The following SMCO2 variants were observed in gnomAD, a reference collection of about 807,000 sequenced individuals.
SMCO2 encodes the protein single-pass membrane and coiled-coil domain-containing protein 2.
A neutral mutation model predicts 29.5 loss-of-function variants in SMCO2; 25 were observed. That is an observed-to-expected ratio of 0.85 (90% CI 0.62 to 1.18). The LOEUF (loss-of-function observed/expected upper bound fraction) is 1.18. Among genes scored for constraint, SMCO2 ranks in the 50% most tolerant of loss-of-function variants. The pLI is 0.00. For synonymous variants in SMCO2, 117 were observed against 123.3 expected (o/e 0.95, Z 0.34); for missense variants, 348 against 344.5 (o/e 1.01, Z -0.08).
At chr12:27,486,657 A>C (rs1949691322) in intron 4 of SMCO2, among the ~76,000 whole-genome samples, 2 of 152,352 alleles carry the variant, frequency 1.3e-5, no homozygotes, top group East Asian at 3.9e-4. Context: ...AATCTTCAAA[A>C]GGGCAAAGAC....
the SMCO2 span, among the ~76,000 whole-genome samples, chr12:27,444,795 A>G: frequency 6.6e-6 from 1 of 152,226 alleles, no homozygotes; most frequent in Non-Finnish European, 1.5e-5. Flanking sequence ...TCAACACACT[A>G]AAGATAGAAC....
intron 3 of SMCO2, among the ~76,000 whole-genome samples, chr12:27,474,001 G>T (rs1949563073): frequency 6.6e-6 from 1 of 152,208 alleles, no homozygotes; most frequent in African/African-American, 2.4e-5. Flanking sequence ...AACTCATAGA[G>T]TAGGCGTTTT....
intron 4 of SMCO2, among the ~76,000 whole-genome samples, chr12:27,484,867 A>AT (rs1353773609): frequency 1.2e-4 from 13 of 111,748 alleles, no homozygotes; most frequent in African/African-American, 2.0e-4. Context: ...AAAAAAAAAA[A>AT]AAAAATATAT....
At chr12:27,434,787 T>A in the SMCO2 span, among the ~76,000 whole-genome samples, 3,087 of 152,148 alleles carry the variant, frequency 0.02, 110 homozygotes, top group African/African-American at 0.071. Flanking sequence ...GGGAAGGGGG[T>A]ACTGTAAGTC....
chr12:27,481,879 T>G (rs1300524701), intron 4 of SMCO2, among the ~76,000 whole-genome samples: 1 of 152,178 alleles, frequency 6.6e-6, no homozygotes, highest in African/African-American at 2.4e-5. Context: ...TGTGTCTTCT[T>G]TTCTTTTTGT....
chr12:27,501,627 A>G (rs1460741446), intron 7 of SMCO2, among the ~76,000 whole-genome samples: 1 of 150,200 alleles, frequency 6.7e-6, no homozygotes, highest in Non-Finnish European at 1.5e-5. Flanking sequence ...TGAGTGAGGT[A>G]AAGATTGCAA....
chr12:27,475,908 A>G (rs1949582492), intron 4 of SMCO2, among the ~76,000 whole-genome samples, 177 bp downstream of exon 5: 1 of 152,036 alleles, frequency 6.6e-6, no homozygotes, highest in Non-Finnish European at 1.5e-5. Flanking sequence ...GTTGTTATTT[A>G]TGGGTTGGTT....
At chr12:27,475,842 T>C in intron 4 of SMCO2, 111 bp downstream of exon 5, 1 of 1,054,278 alleles carries the variant, frequency 9.5e-7, no homozygotes, top group Non-Finnish European at 1.3e-6. Context: ...ATAGGTATAC[T>C]TTCTTGGATG....
intron 1 of SMCO2, among the ~76,000 whole-genome samples, chr12:27,467,920 AT>A (rs914505106): frequency 6.6e-6 from 1 of 152,152 alleles, no homozygotes; most frequent in Non-Finnish European, 1.5e-5. Context: ...TGTAAGCATT[AT>A]TTTTATTACT....
chr12:27,494,486 A>T (rs1007844242), intron 6 of SMCO2, 130 bp downstream of exon 7: 13 of 141,244 alleles, frequency 9.2e-5, no homozygotes, highest in Non-Finnish European at 1.2e-4. Context: ...ATTTAATTTA[A>T]TTTATTATTA....
the SMCO2 span, among the ~76,000 whole-genome samples, chr12:27,449,363 T>A: frequency 8.9e-4 from 136 of 152,372 alleles, no homozygotes; most frequent in Non-Finnish European, 1.7e-3. Flanking sequence ...ATCTGTCACC[T>A]GCTGCATACT....
the SMCO2 span, among the ~76,000 whole-genome samples, chr12:27,428,563 T>G: frequency 1.3e-5 from 2 of 150,184 alleles, no homozygotes; most frequent in Admixed American, 7.0e-5. Context: ...GCCACCTTTT[T>G]TTTTTTTTTA....
At chr12:27,456,621 A>G in the SMCO2 span, among the ~76,000 whole-genome samples, 5 of 152,378 alleles carry the variant, frequency 3.3e-5, no homozygotes, top group South Asian at 4.1e-4. Flanking sequence ...AGTATAAAAT[A>G]AAAGGATTAA....
At chr12:27,435,000 C>T in the SMCO2 span, among the ~76,000 whole-genome samples, 1 of 152,082 alleles carries the variant, frequency 6.6e-6, no homozygotes, top group South Asian at 2.1e-4. Flanking sequence ...TTCACATTCT[C>T]TTTCATAGCA....
chr12:27,498,508 G>T (rs1262097967), intron 7 of SMCO2: 5 of 229,600 alleles, frequency 2.2e-5, no homozygotes, highest in Admixed American at 4.3e-5. Flanking sequence ...TGAACATGTG[G>T]TGTACGCTGC....
chr12:27,441,952 C>T, the SMCO2 span, among the ~76,000 whole-genome samples: 3 of 152,190 alleles, frequency 2.0e-5, no homozygotes, highest in South Asian at 2.1e-4. Flanking sequence ...ACAACATGCT[C>T]CTGAACAACC....
At chr12:27,466,648 C>T (rs575344748), upstream of SMCO2, among the ~76,000 whole-genome samples, 2 of 152,078 alleles carry the variant, frequency 1.3e-5, no homozygotes, top group East Asian at 3.9e-4. Flanking sequence ...AGGACTTAGT[C>T]TCCAGAGTTA....
intron 4 of SMCO2, among the ~76,000 whole-genome samples, chr12:27,483,422 G>GT (rs919909399): frequency 2.6e-5 from 4 of 151,456 alleles, no homozygotes; most frequent in East Asian, 1.9e-4. Flanking sequence ...CCTTCTCTTT[G>GT]TTTTTTTTCT....
At chr12:27,475,101 G>A (rs79716211) in intron 4 of SMCO2, among the ~76,000 whole-genome samples, 188 bp downstream of exon 4, 2,940 of 152,224 alleles carry the variant, frequency 0.019, 42 homozygotes, top group Middle Eastern at 0.054. Context: ...ACATTTTAGG[G>A]ATGTAGACAG....
Sources: gnomAD v4.1 joint callset for allele counts (sites outside exome capture counted in the v4.1 genomes callset) on GRCh38, gnomAD v4.1.1 for gene constraint, MANE v1.5 for transcripts, NCBI Gene and HGNC (gene_info 2026-07-23, HGNC 2026-07-21) for gene names.